LYN: variants seen among roughly 807,000 people sequenced by gnomAD.
The protein encoded by LYN is tyrosine-protein kinase Lyn.
LYN carries 12 observed loss-of-function variants against 65.0 expected under a neutral mutation model. The ratio of observed to expected loss-of-function variants is 0.18; its 90% confidence interval spans 0.12 to 0.30. The LOEUF (loss-of-function observed/expected upper bound fraction) is 0.30, where lower values mean the gene tolerates loss of function less well. Among genes scored for constraint, LYN ranks in the 10% least tolerant of loss-of-function variants. The pLI is 1.00. For missense variants in LYN, 380 were observed against 623.2 expected, an observed-to-expected ratio of 0.61 and a Z score of 4.16; for synonymous variants, 222 against 221.2, an observed-to-expected ratio of 1.00 and a Z score of -0.03.
intron 12 of LYN, 91 bp from the exon 13 acceptor site, chr8:56,009,817 T>G (rs1299698025): frequency 3.1e-6 from 3 of 975,314 alleles, no homozygotes; most frequent in Non-Finnish European, 4.7e-6. Flanking sequence ...TTACAGGATG[T>G]GAGGAGCAAA....
intron 10 of LYN, among the ~76,000 whole-genome samples, chr8:55,974,061 A>C (rs60186504): frequency 0.037 from 5,635 of 152,346 alleles, 390 homozygotes; most frequent in African/African-American, 0.13. Context: ...CAGCCTTGAA[A>C]GCATATATTT....
At chr8:55,992,330 T>G (rs1301838697) in intron 10 of LYN, among the ~76,000 whole-genome samples, 1 of 152,190 alleles carries the variant, frequency 6.6e-6, no homozygotes, top group Non-Finnish European at 1.5e-5. Flanking sequence ...CCTGACCCTG[T>G]ATCCCCTGCC....
intron 1 of LYN, among the ~76,000 whole-genome samples, chr8:55,905,733 T>C (rs952950006): frequency 1.3e-5 from 2 of 152,066 alleles, no homozygotes; most frequent in African/African-American, 2.4e-5. Context: ...TCCTCTCCCA[T>C]CTGTTGGGAG....
chr8:55,974,464 A>G (rs751789349), intron 10 of LYN, among the ~76,000 whole-genome samples: 4 of 152,168 alleles, frequency 2.6e-5, no homozygotes. Flanking sequence ...GAAGTTCTCG[A>G]CCTTTTTGAG....
intron 1 of LYN, among the ~76,000 whole-genome samples, chr8:55,930,974 G>A (rs750502159): frequency 9.2e-5 from 14 of 151,748 alleles, no homozygotes; most frequent in African/African-American, 2.7e-4. Context: ...TTACTCCCAC[G>A]GACAATTAGA....
rs144433635 is a variant in LYN, at chr8:55,927,642, C to A, written c.-5-14213C>A. Among the ~76,000 whole-genome samples the A allele has an allele frequency of 6.4e-3, 977 of 152,158 alleles. 7 individuals carry two copies. Among genetic ancestry groups the A allele is most frequent in the African/African-American group, 0.022 (925 of 41,506 alleles). On this transcript the variant is annotated intron_variant, in intron 1 of 12. Transcript: ENST00000519728. ...TTGCAGTCAGGAGTTCGAGACCAGC[C>A]TGGCCAACATGGTGAAACCCTGTCT... is the stretch of plus-strand genomic sequence containing the variant.
rs200982543 is a variant in LYN at position 55,896,102 on chromosome 8, T to TA, written c.-6+16011dup. ...AGCATCTCGTTAGGGGTAAAGCAAT[T>TA]AAAAAAAAAAAACAAGTTTTAGCTA... On this transcript the variant is annotated intron_variant, in intron 1 of 12. Coordinates refer to ENST00000519728, the MANE Select transcript of LYN (RefSeq NM_002350.4). 8.5e-4 allele frequency among the ~76,000 whole-genome samples: 124 copies of TA among 146,216 alleles called. No homozygotes were observed. The Middle Eastern group carries it at 0.01, about 12-fold the overall frequency.
intron 9 of LYN, among the ~76,000 whole-genome samples, chr8:55,968,768 A>G (rs1463947342): frequency 2.0e-5 from 3 of 152,198 alleles, no homozygotes; most frequent in Non-Finnish European, 2.9e-5. Context: ...CCAACCCCCC[A>G]AAACTGTAAT....
intron 1 of LYN, among the ~76,000 whole-genome samples, chr8:55,916,275 A>G (rs993553282): frequency 6.6e-6 from 1 of 152,114 alleles, no homozygotes. Flanking sequence ...AAAAATAGTG[A>G]CTGTGTTCAA....
At chr8:55,905,630 T>C (rs1413730017) in intron 1 of LYN, among the ~76,000 whole-genome samples, 2 of 152,080 alleles carry the variant, frequency 1.3e-5, no homozygotes, top group Non-Finnish European at 2.9e-5. Flanking sequence ...AGAGGATGGA[T>C]AGTTTCCCAG....
intron 10 of LYN, among the ~76,000 whole-genome samples, chr8:55,989,127 A>G (rs903901139): frequency 6.6e-6 from 1 of 152,234 alleles, no homozygotes; most frequent in Non-Finnish European, 1.5e-5. Context: ...AAGGCTGGTG[A>G]TGGCTCAGAG....
rs1554575492 is a variant in LYN, at chr8:55,906,746, GGAGA to G, written c.-6+26654_-6+26657del. 6.0e-5 allele frequency among the ~76,000 whole-genome samples: 9 copies of G among 151,058 alleles called. 1 individual carries two copies. The highest frequency in any genetic ancestry group is 2.2e-4 in the African/African-American group (9 of 41,014). On this transcript the variant is annotated intron_variant, in intron 1 of 12. Coordinates refer to ENST00000519728, the MANE Select transcript of LYN (RefSeq NM_002350.4). The stretch of plus-strand genomic sequence containing the variant: ...AAAAGAAAAAAAAAAGAGAGAGAGA[GGAGA>G]GAGAGAGAGAAATAAATGAAATGTA...
rs189884377 is a variant in LYN, at chr8:56,005,019, A to C, written c.1337-4889A>C. On this transcript the variant is annotated intron_variant, in intron 12 of 12. Coordinates refer to ENST00000519728, the MANE Select transcript of LYN (RefSeq NM_002350.4). ...AGGCTGGTTTCTAACTCCTGGGTCA[A>C]CTGATCCTCCCTCCTCAACCTCCCA... Among the ~76,000 whole-genome samples, 13 of 152,176 alleles carry C rather than the reference A, an allele frequency of 8.5e-5. No individual in the cohort carries two copies. The East Asian group carries it at 2.5e-3, about 29-fold the overall frequency.
intron 1 of LYN, among the ~76,000 whole-genome samples, chr8:55,927,392 G>C (rs532684243): frequency 8.5e-5 from 13 of 152,188 alleles, no homozygotes; most frequent in Non-Finnish European, 1.5e-4. Context: ...TGCATTTAAG[G>C]TTCCTCTATG....
chr8:55,990,239 C>CAAAAA (rs34461698), intron 10 of LYN, among the ~76,000 whole-genome samples: 3 of 45,392 alleles, frequency 6.6e-5, no homozygotes, highest in Admixed American at 3.0e-4. Context: ...ACTCTGCCTC[C>CAAAAA]AAAAAAAAAA....
intron 1 of LYN, among the ~76,000 whole-genome samples, chr8:55,921,097 C>T (rs973271868): frequency 4.6e-5 from 7 of 152,150 alleles, no homozygotes; most frequent in East Asian, 1.9e-4. Flanking sequence ...CGTCTAGATA[C>T]GTCTGAAACG....
intron 12 of LYN, among the ~76,000 whole-genome samples, chr8:56,008,123 A>AAAAATAAAAAT (rs1554519941): frequency 7.1e-6 from 1 of 140,672 alleles, no homozygotes; most frequent in African/African-American, 2.6e-5. Flanking sequence ...TGCCTCAAAA[A>AAAAATAAAAAT]AAAAATAAAA....
At chr8:55,929,030 T>C (rs547934849) in intron 1 of LYN, among the ~76,000 whole-genome samples, 5 of 152,310 alleles carry the variant, frequency 3.3e-5, no homozygotes, top group African/African-American at 1.2e-4. Context: ...GTTGTTCCAG[T>C]ACCACTTATT....
At chr8:55,952,260 AAATT>A (rs1806971385) in intron 7 of LYN, 145 bp downstream of exon 7, 1 of 660,522 alleles carries the variant, frequency 1.5e-6, no homozygotes, top group Admixed American at 3.9e-5. Flanking sequence ...AAGTGGTTCT[AAATT>A]AATCTATAGT....
Sources: gnomAD v4.1 joint callset for allele counts (sites outside exome capture counted in the v4.1 genomes callset) on GRCh38, gnomAD v4.1.1 for gene constraint, MANE v1.5 for transcripts, NCBI Gene and HGNC (gene_info 2026-07-23, HGNC 2026-07-21) for gene names.